Variants in SUCLG2 observed in about 807,000 individuals in gnomAD.
SUCLG2 encodes succinate--CoA ligase [GDP-forming] subunit beta, mitochondrial.
SUCLG2 carries 42 observed loss-of-function variants against 47.9 expected under a neutral mutation model. The observed-to-expected ratio is 0.88, with a 90% CI of 0.69 to 1.14. The LOEUF (loss-of-function observed/expected upper bound fraction) is 1.14, where lower values mean the gene tolerates loss of function less well. Among genes scored for constraint, SUCLG2 ranks in the 50% most tolerant of loss-of-function variants. SUCLG2 has a pLI of 0.00. For synonymous variants in SUCLG2, 195 were observed against 197.3 expected (o/e 0.99, Z 0.10); for missense variants, 571 against 525.9 (o/e 1.09, Z -0.84).
At chr3:67,536,063 G>C (rs567089332) in intron 2 of SUCLG2, among the ~76,000 whole-genome samples, 7 of 152,218 alleles carry the variant, frequency 4.6e-5, no homozygotes, top group East Asian at 1.9e-4. Flanking sequence ...ATTATTGAAG[G>C]CTACTTGACA....
chr3:67,404,161 G>C (rs1369560307), intron 9 of SUCLG2, among the ~76,000 whole-genome samples: 7 of 152,166 alleles, frequency 4.6e-5, no homozygotes, highest in Non-Finnish European at 1.5e-5. Context: ...TGGGATTACA[G>C]GTGTGAGCCA....
intron 10 of SUCLG2, among the ~76,000 whole-genome samples, chr3:67,389,743 G>A (rs1702338945): frequency 6.6e-6 from 1 of 151,796 alleles, no homozygotes; most frequent in Admixed American, 6.6e-5. Context: ...TTGTCTACAA[G>A]AACAAAGAAA....
chr3:67,607,915 CG>C (rs1309226719), intron 2 of SUCLG2, among the ~76,000 whole-genome samples: 1 of 152,124 alleles, frequency 6.6e-6, no homozygotes, highest in Non-Finnish European at 1.5e-5. Context: ...CCCAGCCATG[CG>C]GAACTGTGAG....
chr3:67,386,389 C>T (rs1702260518), intron 10 of SUCLG2, among the ~76,000 whole-genome samples: 1 of 152,040 alleles, frequency 6.6e-6, no homozygotes, highest in South Asian at 2.1e-4. Context: ...GTCTTGTACA[C>T]TTCATCAACA....
intron 9 of SUCLG2, among the ~76,000 whole-genome samples, chr3:67,486,779 A>G (rs1424411218): frequency 1.3e-5 from 2 of 152,180 alleles, no homozygotes; most frequent in Non-Finnish European, 2.9e-5. Context: ...ATGGCCATAA[A>G]TAGACTGCAA....
intron 2 of SUCLG2, among the ~76,000 whole-genome samples, chr3:67,555,196 G>C (rs1418202463): frequency 1.3e-5 from 2 of 152,136 alleles, no homozygotes; most frequent in African/African-American, 4.8e-5. Context: ...TAGGAGGCTA[G>C]AAAGAACCCT....
intron 6 of SUCLG2, 88 bp from the exon 7 acceptor site, chr3:67,508,991 G>C: frequency 1.1e-6 from 1 of 920,304 alleles, no homozygotes; most frequent in Non-Finnish European, 1.7e-6. Flanking sequence ...AAAATAGCAA[G>C]TTATGTCTTT....
At chr3:67,457,925 T>C (rs1704231070) in intron 9 of SUCLG2, among the ~76,000 whole-genome samples, 1 of 152,118 alleles carries the variant, frequency 6.6e-6, no homozygotes, top group Non-Finnish European at 1.5e-5. Context: ...GTGACTTGCT[T>C]TAGTCCTGAA....
intron 10 of SUCLG2, among the ~76,000 whole-genome samples, chr3:67,381,368 C>T (rs534974873): frequency 6.6e-6 from 1 of 152,226 alleles, no homozygotes; most frequent in South Asian, 2.1e-4. Context: ...TTATTTTCTT[C>T]TTAATTCACC....
intron 2 of SUCLG2, among the ~76,000 whole-genome samples, chr3:67,563,387 C>T (rs531271174): frequency 6.6e-6 from 1 of 152,150 alleles, no homozygotes; most frequent in African/African-American, 2.4e-5. Flanking sequence ...AAGTCCTCAA[C>T]TAGCTCAGAA....
At chr3:67,502,206 T>C (rs1333702518) in intron 7 of SUCLG2, among the ~76,000 whole-genome samples, 1 of 152,196 alleles carries the variant, frequency 6.6e-6, no homozygotes, top group Non-Finnish European at 1.5e-5. Flanking sequence ...GATTAGTCAG[T>C]GTTGGAAAAA....
In SUCLG2 at chr3:67,518,270, A is replaced by C. The variant is rs1280220438; in HGVS notation, c.637T>G (p.Phe213Val). The change falls in exon 6 of 11, where the codon TTC (phenylalanine) becomes GTC (valine). Residue 213 changes from phenylalanine (F) to valine (V), a missense_variant. By Grantham distance (50) the Phe-to-Val change is conservative (BLOSUM62 -1). Transcript: ENST00000307227. ...ACCTGGCTTTTCAAAGGCCCAACGA[A>C]GCCTAGATTTTCGGCCATCCGCTGA... ...QAQRMAENLG[F>V]VGPLKSQAAD... The C allele has an allele frequency of 3.1e-6, 5 of 1,612,480 alleles. No individual in the cohort carries two copies. Among genetic ancestry groups the C allele is most frequent in the African/African-American group, 1.3e-5 (1 of 74,922 alleles).
At chr3:67,402,916 A>G (rs992190499) in intron 9 of SUCLG2, among the ~76,000 whole-genome samples, 9 of 152,354 alleles carry the variant, frequency 5.9e-5, no homozygotes, top group Admixed American at 2.6e-4. Context: ...GAATTCACCT[A>G]AACAGGCAGG....
At chr3:67,590,925 A>T (rs1708144167) in intron 2 of SUCLG2, among the ~76,000 whole-genome samples, 1 of 152,092 alleles carries the variant, frequency 6.6e-6, no homozygotes, top group Non-Finnish European at 1.5e-5. Flanking sequence ...GAGTTCTTTA[A>T]CAAAAATTTC....
intron 9 of SUCLG2, among the ~76,000 whole-genome samples, chr3:67,483,099 T>G (rs904709579): frequency 6.6e-6 from 1 of 152,230 alleles, no homozygotes; most frequent in Non-Finnish European, 1.5e-5. Context: ...AAGGTGGAAA[T>G]GAAGCATTCT....
chr3:67,530,003 A>C (rs998764264), intron 2 of SUCLG2, among the ~76,000 whole-genome samples: 16 of 152,192 alleles, frequency 1.1e-4, no homozygotes, highest in African/African-American at 3.6e-4. Context: ...ACAAACAAAA[A>C]ACTGCCTCCA....
chr3:67,392,525 G>A (rs983389834), intron 10 of SUCLG2, among the ~76,000 whole-genome samples: 4 of 152,120 alleles, frequency 2.6e-5, no homozygotes, highest in East Asian at 1.9e-4. Context: ...TACTATATTT[G>A]GCCCTTTGGG....
intron 2 of SUCLG2, among the ~76,000 whole-genome samples, chr3:67,578,243 TATATC>T (rs1332037571): frequency 1.4e-5 from 2 of 145,818 alleles, no homozygotes; most frequent in South Asian, 4.2e-4. Context: ...AAATTTTACA[TATATC>T]ATATATAAAA....
At chr3:67,370,164 CAATT>C (rs1362752281), downstream of SUCLG2, among the ~76,000 whole-genome samples, 4 of 151,960 alleles carry the variant, frequency 2.6e-5, no homozygotes, top group Non-Finnish European at 4.4e-5. Flanking sequence ...ACATTTGAAA[CAATT>C]AACAGAAATT....
Sources: allele counts gnomAD v4.1 joint callset (sites outside exome capture counted in the v4.1 genomes callset), GRCh38; gene constraint gnomAD v4.1.1; transcripts MANE v1.5; gene names NCBI Gene and HGNC (gene_info 2026-07-23, HGNC 2026-07-21).